Variants in MMD observed in about 807,000 individuals in gnomAD.
MMD encodes the protein monocyte to macrophage differentiation associated.
MMD carries 22 observed loss-of-function variants against 33.6 expected under a neutral mutation model. The ratio of observed to expected loss-of-function variants is 0.66; its 90% CI spans 0.47 to 0.94. The LOEUF is 0.94. Among genes scored for constraint, MMD ranks in the 40% least tolerant of loss-of-function variants. The probability of loss-of-function intolerance (pLI) is 0.00; values close to 1 mark genes in which losing one functional copy is unlikely to be tolerated. For synonymous variants in MMD, 97 were observed against 103.2 expected, an observed-to-expected ratio of 0.94 and a Z score of 0.36; for missense variants, 242 against 309.8, an observed-to-expected ratio of 0.78 and a Z score of 1.64.
intron 1 of MMD, among the ~76,000 whole-genome samples, chr17:55,416,171 T>C (rs1164955225): frequency 1.3e-5 from 2 of 152,182 alleles, no homozygotes; most frequent in Admixed American, 6.5e-5. Flanking sequence ...AAATTGAATG[T>C]GCTCTGTGTA....
chr17:55,401,853 C>G (rs1269662020), intron 5 of MMD, among the ~76,000 whole-genome samples: 1 of 152,050 alleles, frequency 6.6e-6, no homozygotes, highest in Non-Finnish European at 1.5e-5. Flanking sequence ...GCGGGCGGAT[C>G]ACGAGGTCAG....
intron 3 of MMD, among the ~76,000 whole-genome samples, chr17:55,408,152 C>G (rs979149420): frequency 6.6e-6 from 1 of 152,100 alleles, no homozygotes; most frequent in Non-Finnish European, 1.5e-5. Context: ...CTTTTGGATC[C>G]CCTCTAACAG....
At chr17:55,415,199 C>T (rs1273331094) in intron 1 of MMD, among the ~76,000 whole-genome samples, 1 of 151,716 alleles carries the variant, frequency 6.6e-6, no homozygotes, top group Non-Finnish European at 1.5e-5. Context: ...CTAATTAATC[C>T]TTTTTTTCTC....
intron 3 of MMD, among the ~76,000 whole-genome samples, chr17:55,410,863 G>C (rs1190756250): frequency 6.6e-6 from 1 of 152,202 alleles, no homozygotes; most frequent in Admixed American, 6.6e-5. Context: ...AAATTAAAGA[G>C]CAGGGCTGGG....
At chr17:55,407,702 AT>A (rs1489796560) in intron 4 of MMD, 43 bp downstream of exon 4, 2 of 1,548,912 alleles carry the variant, frequency 1.3e-6, no homozygotes, top group Non-Finnish European at 1.8e-6. Context: ...AGGAATTCTA[AT>A]CATAAAATCA....
In MMD at chr17:55,394,346, CATA is replaced by C. The variant is rs1329269731; in HGVS notation, c.702_704del (p.Phe234_Met235delinsLeu). 1 of 1,376,544 alleles carries C rather than the reference CATA, an allele frequency of 7.3e-7. No individual in the cohort carries two copies. Among genetic ancestry groups the C allele is most frequent in the African/African-American group, 1.5e-5 (1 of 66,984 alleles). 85.3% of individuals were successfully genotyped at this position (1,376,544 alleles called of 1,614,324 possible). On this transcript the variant is annotated inframe_deletion, in exon 7 of 7. Transcript: ENST00000262065. ...TAGTACAGATTGGTCATAAATGCCG[CATA>C]AAGTCCGTAGGACTTCGGTAAAGGT...
chr17:55,405,510 C>T (rs1333210861), intron 4 of MMD, among the ~76,000 whole-genome samples: 1 of 152,012 alleles, frequency 6.6e-6, no homozygotes, highest in Non-Finnish European at 1.5e-5. Context: ...AACAAATTGC[C>T]TACTATGATA....
intron 1 of MMD, among the ~76,000 whole-genome samples, chr17:55,414,533 C>T (rs183927021): frequency 1.4e-3 from 205 of 146,788 alleles, no homozygotes; most frequent in Admixed American, 3.3e-3. Context: ...TCCACCCCTT[C>T]AACTGGAACC....
Position 55,393,025 on chromosome 17 carries a change from A to G in MMD, c.*1309T>C, listed in dbSNP as rs1399889493. 1 of 152,222 alleles carries G rather than the reference A, an allele frequency of 6.6e-6. No homozygotes were observed. The highest frequency in any genetic ancestry group is 1.5e-5 in the Non-Finnish European group (1 of 68,030). The allele number at this position is 152,222 out of a possible 1,614,324, so 9.4% of individuals were successfully genotyped here. A position where few individuals can be genotyped will look rare whatever the true frequency, so the allele number is the denominator to read the frequency against. On this transcript the variant is annotated 3_prime_UTR_variant, in exon 7 of 7. Coordinates refer to ENST00000262065, the MANE Select transcript of MMD (RefSeq NM_012329.3). ...TCAGCCCATTACTAGGAAACAGGCAATATCAGCACCCGATCTAAAGGCAAG... is the reference window on the plus strand; with the variant it reads ...TCAGCCCATTACTAGGAAACAGGCAGTATCAGCACCCGATCTAAAGGCAAG...
intron 6 of MMD, among the ~76,000 whole-genome samples, chr17:55,394,848 T>C (rs1907042608): frequency 6.6e-6 from 1 of 152,254 alleles, no homozygotes; most frequent in Non-Finnish European, 1.5e-5. Flanking sequence ...GGAGTTCATT[T>C]TAATAAAGTG....
At chr17:55,407,578 A>C (rs993356536) in intron 4 of MMD, among the ~76,000 whole-genome samples, 168 bp downstream of exon 4, 3 of 152,112 alleles carry the variant, frequency 2.0e-5, no homozygotes, top group African/African-American at 7.2e-5. Flanking sequence ...AATCTGACCC[A>C]AGTACATCAA....
chr17:55,406,644 G>A (rs1399679662), intron 4 of MMD, among the ~76,000 whole-genome samples: 1 of 151,976 alleles, frequency 6.6e-6, no homozygotes, highest in African/African-American at 2.4e-5. Context: ...ACTTTGGGAG[G>A]CAGAGGCGGG....
At position 55,416,151 on chromosome 17, in the gene MMD, T is replaced by C. The variant is rs138766541; in HGVS notation, c.27-1919A>G. Among the ~76,000 whole-genome samples the C allele has an allele frequency of 4.9e-3, 743 of 152,320 alleles. 6 individuals are homozygous for C. Among genetic ancestry groups the C allele is most frequent in the African/African-American group, 0.017 (707 of 41,582 alleles). ...AAAGAGCAAGGCCCCAAGATGGCTG[T>C]AGTTAGATGAAATTGAATGTGCTCT... On this transcript the variant is annotated intron_variant, in intron 1 of 6. Transcript: ENST00000262065.
intron 4 of MMD, 36 bp downstream of exon 4, chr17:55,407,710 A>G: frequency 6.4e-7 from 1 of 1,570,346 alleles, no homozygotes; most frequent in South Asian, 1.1e-5. Flanking sequence ...TAATCATAAA[A>G]TCACTACCTT....
At chr17:55,418,129 T>C (rs1406997761) in intron 1 of MMD, among the ~76,000 whole-genome samples, 2 of 152,254 alleles carry the variant, frequency 1.3e-5, no homozygotes, top group Non-Finnish European at 2.9e-5. Flanking sequence ...TCAGCTCAGA[T>C]GTCACCTCCT....
intron 3 of MMD, among the ~76,000 whole-genome samples, chr17:55,408,188 C>A (rs1259846021): frequency 6.6e-6 from 1 of 152,178 alleles, no homozygotes. Flanking sequence ...GGAGGGCAGA[C>A]CACCTCCCCG....
intron 6 of MMD, among the ~76,000 whole-genome samples, chr17:55,400,296 T>G (rs998605032): frequency 6.6e-6 from 1 of 152,150 alleles, no homozygotes; most frequent in Non-Finnish European, 1.5e-5. Context: ...GCATATAATC[T>G]CAGCACTTTG....
intron 2 of MMD, 40 bp downstream of exon 2, chr17:55,414,111 C>T: frequency 6.3e-7 from 1 of 1,590,892 alleles, no homozygotes; most frequent in Non-Finnish European, 8.6e-7. Flanking sequence ...CCACCAAAGC[C>T]CCGTGGAAAG....
chr17:55,414,611 A>G (rs1388155153), intron 1 of MMD, among the ~76,000 whole-genome samples: 1 of 141,318 alleles, frequency 7.1e-6, no homozygotes, highest in Non-Finnish European at 1.5e-5. Flanking sequence ...GTACAACTAG[A>G]AAAAAAAAAC....
Sources: gnomAD v4.1 joint callset for allele counts (sites outside exome capture counted in the v4.1 genomes callset) on GRCh38, gnomAD v4.1.1 for gene constraint, MANE v1.5 for transcripts, NCBI Gene and HGNC (gene_info 2026-07-23, HGNC 2026-07-21) for gene names.